Variants in IL15 observed in about 807,000 individuals in gnomAD.
The protein encoded by IL15 is interleukin 15, also known as interleukin-15.
IL15 carries 11 observed loss-of-function variants against 19.6 expected under a neutral mutation model. The observed-to-expected ratio is 0.56, with a 90% CI of 0.35 to 0.93. IL15 has a LOEUF of 0.93. IL15 is among the 40% of genes least tolerant of loss of function. The probability of loss-of-function intolerance (pLI) is 0.01; values close to 1 mark genes in which losing one functional copy is unlikely to be tolerated. For synonymous variants in IL15, 58 were observed against 59.6 expected (o/e 0.97, Z 0.12); for missense variants, 197 against 186.5 (o/e 1.06, Z -0.33).
At chr4:141,726,758 C>G (rs7658667) in intron 5 of IL15, among the ~76,000 whole-genome samples, 2 of 152,184 alleles carry the variant, frequency 1.3e-5, no homozygotes, top group Non-Finnish European at 2.9e-5. Flanking sequence ...TAAAAAGGAA[C>G]AAACTAGTGA....
intron 2 of IL15, chr4:141,716,374 C>G (rs1044519954): frequency 2.6e-5 from 4 of 152,244 alleles, no homozygotes; most frequent in African/African-American, 9.7e-5. Context: ...CATTTTGGTG[C>G]AGCAGTCTTC....
intron 2 of IL15, among the ~76,000 whole-genome samples, chr4:141,673,050 A>G (rs893275852): frequency 6.6e-6 from 1 of 152,186 alleles, no homozygotes; most frequent in Admixed American, 6.5e-5. Context: ...TATGAGCTCA[A>G]TAAGGAGAGG....
chr4:141,721,299 A>G (rs1730068465), intron 4 of IL15: 3 of 659,284 alleles, frequency 4.6e-6, no homozygotes, highest in South Asian at 1.7e-5. Context: ...CTTGGTCAGT[A>G]TAAGTGTATT....
chr4:141,721,762 A>G (rs1730089482), intron 4 of IL15, 162 bp from the exon 5 acceptor site: 19 of 655,770 alleles, frequency 2.9e-5, no homozygotes, highest in South Asian at 6.1e-5. Flanking sequence ...TATATGCTCA[A>G]TGTTTATGTT....
At chr4:141,729,710 C>A (rs1369945806) in intron 6 of IL15, 137 bp from the exon 7 acceptor site, 10 of 538,790 alleles carry the variant, frequency 1.9e-5, no homozygotes, top group Non-Finnish European at 2.9e-5. Context: ...ATTAAGCTGC[C>A]TCCTATGTAA....
intron 2 of IL15, among the ~76,000 whole-genome samples, chr4:141,694,592 C>T (rs13106911): frequency 0.11 from 16,646 of 152,074 alleles, 1,546 homozygotes; most frequent in East Asian, 0.42. Context: ...CTGGAGAAGC[C>T]CAGGGCTCAA....
At chr4:141,692,167 A>G (rs1289239912) in intron 2 of IL15, among the ~76,000 whole-genome samples, 1 of 152,198 alleles carries the variant, frequency 6.6e-6, no homozygotes, top group Non-Finnish European at 1.5e-5. Flanking sequence ...CCTTTTAGCC[A>G]CAGCTGGAGC....
Position 141,656,274 on chromosome 4 carries a change from A to G in IL15, c.-133A>G. ...TGACGTCACATGGAGCACAGAAATC[A>G]ATGTTAGCAGATAGCCAGCCCATAC... On this transcript the variant is annotated 5_prime_UTR_variant, in exon 2 of 8. Transcript: ENST00000320650. 1 of 398,380 alleles carries G rather than the reference A, an allele frequency of 2.5e-6. No individual in the cohort carries two copies. Among genetic ancestry groups the G allele is most frequent in the Non-Finnish European group, 4.4e-6 (1 of 225,918 alleles). 24.7% of individuals were successfully genotyped at this position (398,380 alleles called of 1,614,324 possible).
chr4:141,655,544 T>C (rs1444290605), intron 1 of IL15, among the ~76,000 whole-genome samples: 1 of 152,138 alleles, frequency 6.6e-6, no homozygotes, highest in African/African-American at 2.4e-5. Context: ...ATTTATTTTA[T>C]AAAATAAAAG....
chr4:141,696,385 T>C (rs1233273603), intron 2 of IL15, among the ~76,000 whole-genome samples: 2 of 152,152 alleles, frequency 1.3e-5, no homozygotes, highest in Non-Finnish European at 2.9e-5. Flanking sequence ...ATATTCTTTT[T>C]GCTCTGAATT....
chr4:141,711,125 C>G (rs1729704467), intron 2 of IL15, among the ~76,000 whole-genome samples: 1 of 152,060 alleles, frequency 6.6e-6, no homozygotes, highest in African/African-American at 2.4e-5. Flanking sequence ...GAACTGTATA[C>G]TGTATGCTTA....
intron 2 of IL15, among the ~76,000 whole-genome samples, chr4:141,689,269 G>A (rs986586424): frequency 7.2e-5 from 11 of 152,250 alleles, no homozygotes; most frequent in African/African-American, 2.4e-4. Flanking sequence ...TGCTGGCTCC[G>A]GCAGCCTGCT....
chr4:141,667,766 G>T (rs1293201051), intron 2 of IL15, among the ~76,000 whole-genome samples: 1 of 151,814 alleles, frequency 6.6e-6, no homozygotes, highest in Non-Finnish European at 1.5e-5. Context: ...GGTAATGCGG[G>T]GTGTATTTAT....
At chr4:141,731,291 A>G (rs1730444114) in intron 7 of IL15, among the ~76,000 whole-genome samples, 1 of 152,114 alleles carries the variant, frequency 6.6e-6, no homozygotes, top group Non-Finnish European at 1.5e-5. Context: ...GATATATTTT[A>G]TGTAATGGGT....
intron 2 of IL15, among the ~76,000 whole-genome samples, chr4:141,676,087 G>C (rs1165174916): frequency 6.6e-6 from 1 of 152,118 alleles, no homozygotes; most frequent in Non-Finnish European, 1.5e-5. Flanking sequence ...TTTTGTCTGG[G>C]TCTTGATATT....
intron 2 of IL15, among the ~76,000 whole-genome samples, chr4:141,713,655 C>T (rs1441071779): frequency 1.3e-5 from 2 of 152,186 alleles, no homozygotes; most frequent in African/African-American, 2.4e-5. Context: ...TACTTGGTTG[C>T]ATATGGCCTT....
At chr4:141,684,836 C>T (rs752263574) in intron 2 of IL15, among the ~76,000 whole-genome samples, 1 of 152,144 alleles carries the variant, frequency 6.6e-6, no homozygotes, top group African/African-American at 2.4e-5. Context: ...ATGCTGTCCT[C>T]ACCTAAACAT....
rs1730101337 is a variant in IL15, at chr4:141,722,013, G to T, written c.195+5G>T. 1 of 1,572,262 alleles carries T rather than the reference G, an allele frequency of 6.4e-7. No homozygotes were observed. Among genetic ancestry groups the T allele is most frequent in the Non-Finnish European group, 8.7e-7 (1 of 1,150,304 alleles). On this transcript the variant is annotated splice_donor_5th_base_variant and intron_variant, in intron 5 of 7. Transcript: ENST00000320650. ...AAAATTGAAGATCTTATTCAAGTGA[G>T]TACTCATTTTTCCATAAAATGCCTG...
chr4:141,654,393 G>T (rs1282914561), intron 1 of IL15, among the ~76,000 whole-genome samples: 1 of 152,188 alleles, frequency 6.6e-6, no homozygotes, highest in Non-Finnish European at 1.5e-5. Context: ...GAATTTCATT[G>T]TTCACTACAA....
Sources: gnomAD v4.1 joint callset for allele counts (sites outside exome capture counted in the v4.1 genomes callset) on GRCh38, gnomAD v4.1.1 for gene constraint, MANE v1.5 for transcripts, NCBI Gene and HGNC (gene_info 2026-07-23, HGNC 2026-07-21) for gene names.